Variants in BCL2 observed in about 807,000 individuals in gnomAD.
The protein encoded by BCL2 is BCL2 apoptosis regulator.
A neutral mutation model predicts 14.2 loss-of-function variants in BCL2; 1 was observed. The ratio of observed to expected loss-of-function variants is 0.07; its 90% CI spans 0.02 to 0.33. BCL2 has a LOEUF of 0.33. Among genes scored for constraint, BCL2 ranks in the 10% least tolerant of loss-of-function variants. BCL2 has a pLI of 0.99. For missense variants in BCL2, 247 were observed against 305.9 expected (o/e 0.81, Z 1.44); for synonymous variants, 151 against 137.2 (o/e 1.10, Z -0.70).
intron 2 of BCL2, among the ~76,000 whole-genome samples, chr18:63,256,677 AG>A (rs1294047894): frequency 6.6e-6 from 1 of 152,122 alleles, no homozygotes; most frequent in Non-Finnish European, 1.5e-5. Context: ...GGCTTAGACT[AG>A]GGGCATGTGG....
At chr18:63,315,737 T>C (rs1426398787) in intron 2 of BCL2, 2 of 152,186 alleles carry the variant, frequency 1.3e-5, no homozygotes, top group Non-Finnish European at 2.9e-5. Context: ...TCTGTCTGTA[T>C]GCCAAATGCC....
At chr18:63,261,938 C>T (rs34927632) in intron 2 of BCL2, among the ~76,000 whole-genome samples, 38 of 152,046 alleles carry the variant, frequency 2.5e-4, no homozygotes, top group African/African-American at 8.9e-4. Context: ...TGCCACCATG[C>T]CCAGTTAATG....
intron 2 of BCL2, among the ~76,000 whole-genome samples, chr18:63,294,310 A>T (rs1342159669): frequency 6.6e-6 from 1 of 152,164 alleles, no homozygotes; most frequent in Non-Finnish European, 1.5e-5. Context: ...ATACAAAGCT[A>T]TCTCAAGATC....
At chr18:63,179,116 C>T (rs1274682689) in intron 2 of BCL2, among the ~76,000 whole-genome samples, 1 of 152,214 alleles carries the variant, frequency 6.6e-6, no homozygotes. Flanking sequence ...TGAAGCACAG[C>T]ATGAGTGCCC....
chr18:63,181,724 T>C (rs2144642349), intron 2 of BCL2, among the ~76,000 whole-genome samples: 1 of 152,316 alleles, frequency 6.6e-6, no homozygotes, highest in Non-Finnish European at 1.5e-5. Flanking sequence ...CATGACAACC[T>C]GCAAGTACGA....
At chr18:63,175,256 T>G (rs990386702) in intron 2 of BCL2, among the ~76,000 whole-genome samples, 3 of 152,170 alleles carry the variant, frequency 2.0e-5, no homozygotes, top group Admixed American at 2.0e-4. Context: ...AATTTAAAGA[T>G]TGTTCCATTT....
chr18:63,302,233 T>G (rs926775360), intron 2 of BCL2: 2 of 625,402 alleles, frequency 3.2e-6, no homozygotes, highest in African/African-American at 4.1e-5. Context: ...CTCGGGAGGC[T>G]GAGGTTGCAG....
intron 2 of BCL2, among the ~76,000 whole-genome samples, chr18:63,169,363 T>TTC (rs1568222656): frequency 3.5e-5 from 2 of 57,448 alleles, no homozygotes; most frequent in Non-Finnish European, 6.6e-5. Context: ...CTTTCTTTCT[T>TTC]TCTTTCTCTT....
intron 2 of BCL2, among the ~76,000 whole-genome samples, chr18:63,300,986 A>G (rs1321773453): frequency 6.6e-6 from 1 of 152,208 alleles, no homozygotes; most frequent in African/African-American, 2.4e-5. Context: ...ATTTTTTGAG[A>G]AAATGGACTT....
intron 2 of BCL2, among the ~76,000 whole-genome samples, chr18:63,213,551 C>A (rs63245462): frequency 1.0e-5 from 1 of 98,316 alleles, no homozygotes; most frequent in African/African-American, 3.7e-5. Flanking sequence ...CACATAAACA[C>A]ACACACACAC....
At chr18:63,222,798 A>G (rs1910436158) in intron 2 of BCL2, among the ~76,000 whole-genome samples, 1 of 152,250 alleles carries the variant, frequency 6.6e-6, no homozygotes, top group Non-Finnish European at 1.5e-5. Context: ...TAAAACCACC[A>G]GGACAATAGG....
At chr18:63,221,439 G>A (rs1910388785) in intron 2 of BCL2, among the ~76,000 whole-genome samples, 1 of 152,140 alleles carries the variant, frequency 6.6e-6, no homozygotes, top group African/African-American at 2.4e-5. Context: ...AAAAAAGGAA[G>A]GAAAAGGGGG....
chr18:63,217,392 G>A (rs1443654793), intron 2 of BCL2, among the ~76,000 whole-genome samples: 1 of 152,150 alleles, frequency 6.6e-6, no homozygotes, highest in Admixed American at 6.5e-5. Context: ...ATCACTAAAA[G>A]GACTGTCTTG....
At chr18:63,237,192 G>A (rs1009280152) in intron 2 of BCL2, among the ~76,000 whole-genome samples, 2 of 152,136 alleles carry the variant, frequency 1.3e-5, no homozygotes, top group African/African-American at 4.8e-5. Flanking sequence ...GGCCGAGAGA[G>A]GCCCATTTTA....
chr18:63,285,841 T>C (rs773684493), intron 2 of BCL2, among the ~76,000 whole-genome samples: 4 of 152,214 alleles, frequency 2.6e-5, no homozygotes, highest in Non-Finnish European at 5.9e-5. Context: ...CAAGCATGTC[T>C]TTGTGGTCCA....
intron 2 of BCL2, among the ~76,000 whole-genome samples, chr18:63,270,278 A>G (rs1348197474): frequency 6.6e-6 from 1 of 152,246 alleles, no homozygotes; most frequent in East Asian, 1.9e-4. Context: ...ATAATGTGAT[A>G]CAGAGCTATT....
At position 63,318,799 on chromosome 18, in the gene BCL2, G is replaced by A. The variant is rs55805819; in HGVS notation, c.-133C>T. The A allele has an allele frequency of 4.3e-3, 6,300 of 1,469,862 alleles. 30 individuals carry two copies. Among genetic ancestry groups the A allele is most frequent in the Non-Finnish European group, 4.8e-3 (5,358 of 1,110,628 alleles). The allele number at this position is 1,469,862 out of a possible 1,614,324, so 91.1% of individuals were successfully genotyped here. On this transcript the variant is annotated 5_prime_UTR_variant, in exon 2 of 3. Coordinates refer to ENST00000333681, the MANE Select transcript of BCL2 (RefSeq NM_000633.3). The surrounding 1 kb of genome is among the most constrained non-coding windows in gnomAD (Gnocchi z 7.4). ...TGTGCTTTGCATTCTTGGACGAGGG[G>A]GTGTCTTCAATCACGCGGAACACTT...
chr18:63,261,085 T>C (rs1173706706), intron 2 of BCL2, among the ~76,000 whole-genome samples: 1 of 152,216 alleles, frequency 6.6e-6, no homozygotes, highest in Non-Finnish European at 1.5e-5. Context: ...CCAGGCTGCC[T>C]CAGAGAGGGT....
intron 2 of BCL2, among the ~76,000 whole-genome samples, chr18:63,294,968 C>T (rs201208598): frequency 6.8e-6 from 1 of 146,940 alleles, no homozygotes; most frequent in Non-Finnish European, 1.5e-5. Flanking sequence ...CTGGCCAAGA[C>T]GGTGAAACCC....
Sources: allele counts gnomAD v4.1 joint callset (sites outside exome capture counted in the v4.1 genomes callset), GRCh38; gene constraint gnomAD v4.1.1; non-coding constraint Gnocchi (gnomAD v3.1); transcripts MANE v1.5; gene names NCBI Gene and HGNC (gene_info 2026-07-23, HGNC 2026-07-21).